DGKB: variants seen among roughly 807,000 people sequenced by gnomAD.
DGKB encodes the protein 90 kDa diacylglycerol kinase.
DGKB carries 67 observed loss-of-function variants against 114.3 expected under a neutral mutation model. The observed-to-expected ratio is 0.59, with a 90% CI of 0.48 to 0.72. DGKB has a LOEUF of 0.72. DGKB is among the 30% of genes least tolerant of loss of function. The pLI is 0.00. For missense variants in DGKB, 907 were observed against 975.2 expected, an observed-to-expected ratio of 0.93 and a Z score of 0.93; for synonymous variants, 398 against 323.1, an observed-to-expected ratio of 1.23 and a Z score of -2.49.
intron 20 of DGKB, among the ~76,000 whole-genome samples, chr7:14,571,309 T>G (rs923852344): frequency 6.6e-6 from 1 of 152,250 alleles, no homozygotes; most frequent in Non-Finnish European, 1.5e-5. Flanking sequence ...AGTAGATTCA[T>G]TGTCAGTGGA....
chr7:14,571,697 A>G (rs1188769331), intron 20 of DGKB, among the ~76,000 whole-genome samples: 2 of 152,212 alleles, frequency 1.3e-5, no homozygotes, highest in Non-Finnish European at 2.9e-5. Context: ...GAAAGGCCAG[A>G]TTATATTAAA....
intron 20 of DGKB, among the ~76,000 whole-genome samples, chr7:14,554,880 C>T (rs1001528271): frequency 1.3e-5 from 2 of 151,998 alleles, no homozygotes; most frequent in Non-Finnish European, 2.9e-5. Flanking sequence ...TAAGTTTATT[C>T]ACCCTATCTT....
At chr7:14,324,716 A>C (rs1808426114) in intron 23 of DGKB, among the ~76,000 whole-genome samples, 1 of 152,144 alleles carries the variant, frequency 6.6e-6, no homozygotes, top group Admixed American at 6.6e-5. Flanking sequence ...TAATTTAAAA[A>C]TAGCAGCATC....
chr7:14,603,444 C>T (rs946040665), intron 17 of DGKB, among the ~76,000 whole-genome samples: 28 of 151,988 alleles, frequency 1.8e-4, no homozygotes, highest in African/African-American at 5.3e-4. Flanking sequence ...TGTAAAAGGT[C>T]ATAAGCTCTG....
At chr7:14,203,061 A>C (rs1786146042) in intron 23 of DGKB, among the ~76,000 whole-genome samples, 1 of 151,746 alleles carries the variant, frequency 6.6e-6, no homozygotes, top group South Asian at 2.1e-4. Flanking sequence ...CGATTCAGTC[A>C]ACATTTTAAA....
intron 21 of DGKB, among the ~76,000 whole-genome samples, chr7:14,401,228 T>C (rs1408170883): frequency 6.6e-6 from 1 of 151,926 alleles, no homozygotes; most frequent in Non-Finnish European, 1.5e-5. Flanking sequence ...CATAGTCTTA[T>C]CTAAACAGTT....
intron 1 of DGKB, among the ~76,000 whole-genome samples, chr7:14,922,824 T>C (rs1784574849): frequency 6.6e-6 from 1 of 151,528 alleles, no homozygotes; most frequent in Non-Finnish European, 1.5e-5. Context: ...CTAAACACCA[T>C]ACCCATCACT....
At chr7:14,412,253 A>T (rs918873479) in intron 21 of DGKB, among the ~76,000 whole-genome samples, 1 of 152,186 alleles carries the variant, frequency 6.6e-6, no homozygotes, top group Non-Finnish European at 1.5e-5. Flanking sequence ...GAGAAGACAA[A>T]CACAAATTTG....
chr7:14,524,105 G>C (rs566357589), intron 20 of DGKB, among the ~76,000 whole-genome samples: 1 of 151,872 alleles, frequency 6.6e-6, no homozygotes, highest in Non-Finnish European at 1.5e-5. Flanking sequence ...TATATTTAAC[G>C]AATACTGAGA....
chr7:14,376,439 A>G (rs1334373875), intron 21 of DGKB, among the ~76,000 whole-genome samples: 1 of 152,222 alleles, frequency 6.6e-6, no homozygotes, highest in Non-Finnish European at 1.5e-5. Flanking sequence ...TCACAAAAAT[A>G]ACCTTACATC....
chr7:14,972,726 A>C (rs965324376), intron 1 of DGKB, among the ~76,000 whole-genome samples: 4 of 151,884 alleles, frequency 2.6e-5, no homozygotes, highest in African/African-American at 9.7e-5. Flanking sequence ...ATAAAAAATC[A>C]TTCTTAGGAA....
intron 23 of DGKB, among the ~76,000 whole-genome samples, chr7:14,229,210 TCATA>T (rs1286691701): frequency 2.0e-5 from 3 of 152,024 alleles, no homozygotes; most frequent in African/African-American, 7.2e-5. Context: ...TCAGTATTAC[TCATA>T]CATACATACA....
chr7:14,765,161 A>T (rs184779681), intron 2 of DGKB, among the ~76,000 whole-genome samples: 2 of 152,112 alleles, frequency 1.3e-5, no homozygotes, highest in African/African-American at 2.4e-5. Context: ...TATTCTAATG[A>T]TACTGCTACA....
At chr7:14,229,675 C>A (rs1028038669) in intron 23 of DGKB, among the ~76,000 whole-genome samples, 2 of 151,830 alleles carry the variant, frequency 1.3e-5, no homozygotes, top group Admixed American at 6.6e-5. Flanking sequence ...TGGGGTTAAT[C>A]TTTAGGGATA....
At chr7:14,632,815 A>C (rs2128852985) in intron 13 of DGKB, among the ~76,000 whole-genome samples, 1 of 152,024 alleles carries the variant, frequency 6.6e-6, no homozygotes, top group East Asian at 1.9e-4. Context: ...AGATAAATGA[A>C]AAACAAGGCT....
intron 21 of DGKB, among the ~76,000 whole-genome samples, chr7:14,409,170 G>C (rs1179566951): frequency 6.6e-6 from 1 of 152,038 alleles, no homozygotes; most frequent in Non-Finnish European, 1.5e-5. Flanking sequence ...TGCCATTGTG[G>C]TGGGCTCAAG....
intron 2 of DGKB, among the ~76,000 whole-genome samples, chr7:14,769,668 C>A (rs987454775): frequency 2.6e-5 from 4 of 152,144 alleles, no homozygotes; most frequent in African/African-American, 9.6e-5. Flanking sequence ...TTTCATAATT[C>A]TGGAGGCCAG....
intron 25 of DGKB, among the ~76,000 whole-genome samples, chr7:14,159,641 T>C (rs1783559341): frequency 6.6e-6 from 1 of 152,198 alleles, no homozygotes; most frequent in Non-Finnish European, 1.5e-5. Flanking sequence ...ATTCAATAAA[T>C]GTTTGCTGAA....
intron 4 of DGKB, among the ~76,000 whole-genome samples, chr7:14,744,391 A>T (rs746505843): frequency 3.3e-5 from 5 of 152,170 alleles, no homozygotes; most frequent in Non-Finnish European, 5.9e-5. Flanking sequence ...GAGTCAATAA[A>T]AGCCCCTTGG....
Sources: gnomAD v4.1 joint callset for allele counts (sites outside exome capture counted in the v4.1 genomes callset) on GRCh38, gnomAD v4.1.1 for gene constraint, MANE v1.5 for transcripts, NCBI Gene and HGNC (gene_info 2026-07-23, HGNC 2026-07-21) for gene names.